The following RIPOR3 variants were observed in gnomAD, a reference collection of about 807,000 sequenced individuals.
RIPOR3 encodes the protein family with sequence similarity 65 member C.
Under a neutral mutation model 114.3 loss-of-function variants are expected in RIPOR3, and 95 were observed. The observed-to-expected ratio is 0.83, with a 90% confidence interval of 0.70 to 0.99. The LOEUF is 0.99. RIPOR3 is among the 50% of genes least tolerant of loss of function. The pLI is 0.00. For synonymous variants in RIPOR3, 575 were observed against 543.8 expected, an observed-to-expected ratio of 1.06 and a Z score of -0.80; for missense variants, 1,252 against 1,266.9, an observed-to-expected ratio of 0.99 and a Z score of 0.18.
Position 50,630,913 on chromosome 20 carries a change from G to A in RIPOR3, c.4-57C>T, listed in dbSNP as rs933894204. 17 of 1,393,860 alleles carry A rather than the reference G, an allele frequency of 1.2e-5. No homozygotes were observed. The Admixed American group carries it at 1.8e-4, about 15-fold the overall frequency. 86.3% of individuals were successfully genotyped at this position (1,393,860 alleles called of 1,614,324 possible). On this transcript the variant is annotated intron_variant, in intron 1 of 21. Transcript: ENST00000327979. ...CATCACCATCCAGCGAGTGCCGTCC[G>A]CAGGCCAGCCACCTTCCACCAACAC...
Position 50,610,914 on chromosome 20 carries a change from C to G in RIPOR3, c.373-8G>C. 5 of 1,614,162 alleles carry G rather than the reference C, an allele frequency of 3.1e-6. No individual in the cohort carries two copies. Among genetic ancestry groups the G allele is most frequent in the Non-Finnish European group, 4.2e-6 (5 of 1,180,022 alleles). On this transcript the variant is annotated splice_region_variant and splice_polypyrimidine_tract_variant and intron_variant, in intron 5 of 21. Transcript: ENST00000327979. ...TTCCACACAGCGCGTTTGCTTCTCC[C>G]GGAAAAAGGGAAGATGTTTGCAAAG...
chr20:50,671,982 GTGGATGGATGGATGGATGGATGGA>G (rs71190589), intron 1 of RIPOR3, among the ~76,000 whole-genome samples: 2 of 137,106 alleles, frequency 1.5e-5, no homozygotes, highest in Admixed American at 7.5e-5. Flanking sequence ...GGATGGGTGC[GTGGATGGATGGATGGATGGATGGA>G]TGGATGGATG....
At chr20:50,656,061 A>G (rs932323639) in intron 1 of RIPOR3, among the ~76,000 whole-genome samples, 4 of 151,026 alleles carry the variant, frequency 2.6e-5, no homozygotes, top group African/African-American at 9.8e-5. Context: ...GCTGGAGTGC[A>G]GTAGCATGCG....
At position 50,688,797 on chromosome 20, in the gene RIPOR3, A is replaced by G. The variant is rs551152503; in HGVS notation, c.3+2329T>C. 4.2e-4 allele frequency among the ~76,000 whole-genome samples: 64 copies of G among 152,260 alleles called. 1 individual carries two copies. Among genetic ancestry groups the G allele is most frequent in the Admixed American group, 2.6e-3 (39 of 15,280 alleles). ...CCAAATGGCCTCAGAGGAAAGAGGA[A>G]GCAGGAAGGATGAATAAAACTAGAG... On this transcript the variant is annotated intron_variant, in intron 1 of 21. Transcript: ENST00000327979.
chr20:50,641,394 T>C (rs144721910), intron 1 of RIPOR3, among the ~76,000 whole-genome samples: 2,117 of 152,066 alleles, frequency 0.014, 145 homozygotes, highest in Admixed American at 0.12. Flanking sequence ...TTTTTAAAAT[T>C]TCTTTAGAGA....
chr20:50,588,288 C>T (rs2082988569), intron 20 of RIPOR3, among the ~76,000 whole-genome samples: 1 of 152,290 alleles, frequency 6.6e-6, no homozygotes. Context: ...CTGGCTGCTC[C>T]TGCAGGCCAA....
intron 14 of RIPOR3, 25 bp downstream of exon 14, chr20:50,597,555 C>A: frequency 6.3e-7 from 1 of 1,589,786 alleles, no homozygotes; most frequent in East Asian, 2.3e-5. Context: ...GCCACTGGGT[C>A]ACTGCTGGAA....
intron 1 of RIPOR3, among the ~76,000 whole-genome samples, chr20:50,635,384 C>T (rs943643231): frequency 1.3e-4 from 20 of 151,906 alleles, no homozygotes; most frequent in African/African-American, 4.6e-4. Context: ...CCAGGCGTGG[C>T]GACTCACGCC....
chr20:50,596,647 G>A (rs2083300704), intron 14 of RIPOR3, among the ~76,000 whole-genome samples: 1 of 152,188 alleles, frequency 6.6e-6, no homozygotes, highest in Non-Finnish European at 1.5e-5. Context: ...CGGTGGGCAA[G>A]AGCGCCTCAC....
intron 4 of RIPOR3, among the ~76,000 whole-genome samples, chr20:50,611,601 G>A (rs1047399849): frequency 1.3e-5 from 2 of 152,146 alleles, no homozygotes; most frequent in African/African-American, 4.8e-5. Context: ...GAATGGCCTC[G>A]GCCATGACAA....
intron 1 of RIPOR3, among the ~76,000 whole-genome samples, chr20:50,675,228 C>A (rs112588521): frequency 6.6e-6 from 1 of 152,174 alleles, no homozygotes; most frequent in African/African-American, 2.4e-5. Context: ...CCTGCTGACA[C>A]CCTGATTTCA....
intron 1 of RIPOR3, among the ~76,000 whole-genome samples, chr20:50,679,104 CAAAAAAAAAAAA>C (rs1215128742): frequency 2.8e-5 from 1 of 35,988 alleles, no homozygotes; most frequent in African/African-American, 2.2e-4. Flanking sequence ...GATCCTGTCT[CAAAAAAAAAAAA>C]AAAAAAAAAA....
chr20:50,664,454 CAT>C (rs1487884272), intron 1 of RIPOR3, among the ~76,000 whole-genome samples: 9 of 152,102 alleles, frequency 5.9e-5, no homozygotes, highest in Admixed American at 2.6e-4. Context: ...ATTTCTTTTC[CAT>C]GTGTGTGTGC....
At chr20:50,610,760 C>T (rs536241618) in intron 6 of RIPOR3, 93 bp downstream of exon 6, 36 of 1,559,928 alleles carry the variant, frequency 2.3e-5, no homozygotes, top group Middle Eastern at 1.7e-4. Flanking sequence ...ATCCCTGTTT[C>T]GAGGGCACCT....
intron 20 of RIPOR3, among the ~76,000 whole-genome samples, chr20:50,588,802 C>T (rs1395620629): frequency 6.0e-5 from 9 of 150,606 alleles, no homozygotes; most frequent in East Asian, 3.9e-4. Flanking sequence ...AATTCTAGGC[C>T]GGGCGCGGTG....
In RIPOR3 at chr20:50,631,957, G is replaced by A. The variant is rs540503531; in HGVS notation, c.4-1101C>T. On this transcript the variant is annotated intron_variant, in intron 1 of 21. Coordinates refer to ENST00000327979, the MANE Select transcript of RIPOR3 (RefSeq NM_001290268.2). ...ACCCCATTGCCCAGACAAAACCTAC[G>A]AAAAAGCTCCAGTCCACCTCATCTT... 5.9e-5 allele frequency among the ~76,000 whole-genome samples: 9 copies of A among 152,156 alleles called. No homozygotes were observed. The South Asian group carries it at 1.7e-3, about 28-fold the overall frequency.
At chr20:50,624,380 C>T (rs1222400611) in intron 2 of RIPOR3, among the ~76,000 whole-genome samples, 1 of 152,212 alleles carries the variant, frequency 6.6e-6, no homozygotes, top group South Asian at 2.1e-4. Context: ...TCACTCCCAG[C>T]TCCTGCCTCC....
intron 2 of RIPOR3, among the ~76,000 whole-genome samples, chr20:50,623,001 C>T (rs200031224): frequency 4.6e-5 from 7 of 152,170 alleles, no homozygotes; most frequent in East Asian, 3.9e-4. Context: ...CTGTGGCTCA[C>T]ACCTATAATC....
At chr20:50,594,777 A>G in intron 16 of RIPOR3, 63 bp from the exon 17 acceptor site, 1 of 1,550,524 alleles carries the variant, frequency 6.4e-7, no homozygotes, top group Non-Finnish European at 8.8e-7. Context: ...AAGGACCCGA[A>G]AGGTTTCCCT....
Sources: allele counts gnomAD v4.1 joint callset (sites outside exome capture counted in the v4.1 genomes callset), GRCh38; gene constraint gnomAD v4.1.1; transcripts MANE v1.5; gene names NCBI Gene and HGNC (gene_info 2026-07-23, HGNC 2026-07-21).